The following KCNH1 variants were observed in gnomAD, a reference collection of about 807,000 sequenced individuals.
The protein encoded by KCNH1 is potassium voltage-gated channel subfamily H member 1.
A neutral mutation model predicts 69.2 loss-of-function variants in KCNH1; 27 were observed. The ratio of observed to expected loss-of-function variants is 0.39; its 90% CI spans 0.29 to 0.54. KCNH1 has a LOEUF of 0.54. Ranked by LOEUF, KCNH1 falls within the 20% of genes least tolerant of loss-of-function variation. The pLI, the probability that KCNH1 is intolerant of heterozygous loss-of-function variation, is 0.68. For synonymous variants in KCNH1, 456 were observed against 487.7 expected (o/e 0.93, Z 0.86); for missense variants, 798 against 1,261.6 (o/e 0.63, Z 5.57).
At chr1:211,084,907 A>G (rs529217426) in intron 4 of KCNH1, among the ~76,000 whole-genome samples, 1 of 152,330 alleles carries the variant, frequency 6.6e-6, no homozygotes, top group East Asian at 1.9e-4. Context: ...TAAGACACAG[A>G]TTCTGGCCTC....
chr1:210,993,660 G>C (rs1223884535), intron 6 of KCNH1, among the ~76,000 whole-genome samples: 1 of 152,160 alleles, frequency 6.6e-6, no homozygotes, highest in African/African-American at 2.4e-5. Context: ...CACATTCTTT[G>C]TGCTCCCTTT....
intron 6 of KCNH1, among the ~76,000 whole-genome samples, chr1:210,929,711 C>T (rs981965964): frequency 1.4e-4 from 21 of 151,992 alleles, no homozygotes; most frequent in Non-Finnish European, 2.6e-4. Context: ...CAAGGGCATC[C>T]GAATCAATAC....
intron 1 of KCNH1, among the ~76,000 whole-genome samples, chr1:211,113,448 G>T (rs1484011036): frequency 6.6e-6 from 1 of 152,166 alleles, no homozygotes; most frequent in East Asian, 1.9e-4. Context: ...GGGTTCTCCT[G>T]TCTATCTTTT....
intron 6 of KCNH1, among the ~76,000 whole-genome samples, chr1:210,988,644 C>T (rs576469883): frequency 3.9e-5 from 6 of 152,226 alleles, no homozygotes; most frequent in Admixed American, 6.5e-5. Context: ...ATGACCATGA[C>T]GACTAACTTG....
At chr1:211,072,634 C>A (rs753939061) in intron 5 of KCNH1, among the ~76,000 whole-genome samples, 8 of 151,942 alleles carry the variant, frequency 5.3e-5, no homozygotes, top group Non-Finnish European at 1.0e-4. Flanking sequence ...TTATAAGGTA[C>A]TTAGTATAGT....
chr1:210,884,154 T>C (rs1040899351), intron 7 of KCNH1, among the ~76,000 whole-genome samples: 3 of 152,158 alleles, frequency 2.0e-5, no homozygotes, highest in Admixed American at 1.3e-4. Flanking sequence ...AGAGCCATGG[T>C]CATTACCCTT....
intron 7 of KCNH1, among the ~76,000 whole-genome samples, chr1:210,844,065 C>A (rs1685482507): frequency 6.6e-6 from 1 of 152,166 alleles, no homozygotes; most frequent in African/African-American, 2.4e-5. Flanking sequence ...CAACTGGTGC[C>A]CTTAGGGATT....
rs1558601237 is a variant in KCNH1, at chr1:211,092,475, C to G, written c.311-1785G>C. 2.6e-5 allele frequency among the ~76,000 whole-genome samples: 4 copies of G among 152,210 alleles called. No individual in the cohort carries two copies. The South Asian group carries it at 8.3e-4, about 32-fold the overall frequency. ...TGTATTCCTCTATAGTTAATTTTAA[C>G]CTTCTTTCCATTCTCTTTGCATAAT... On this transcript the variant is annotated intron_variant, in intron 3 of 10. Coordinates refer to ENST00000271751, the MANE Select transcript of KCNH1 (RefSeq NM_172362.3).
intron 7 of KCNH1, among the ~76,000 whole-genome samples, chr1:210,912,973 A>G (rs1462145856): frequency 6.6e-6 from 1 of 152,252 alleles, no homozygotes; most frequent in African/African-American, 2.4e-5. Flanking sequence ...TATAAAGTGA[A>G]TCCAAGTGAA....
intron 10 of KCNH1, among the ~76,000 whole-genome samples, chr1:210,739,153 TAATATTGAC>T (rs1392242906): frequency 6.6e-6 from 1 of 152,192 alleles, no homozygotes; most frequent in African/African-American, 2.4e-5. Flanking sequence ...TTATTAAAAA[TAATATTGAC>T]AGGTGCCCAT....
chr1:210,814,701 A>G (rs1218648055), intron 7 of KCNH1, among the ~76,000 whole-genome samples: 1 of 152,206 alleles, frequency 6.6e-6, no homozygotes, highest in African/African-American at 2.4e-5. Flanking sequence ...ATTAATTAAC[A>G]TGACAAATGT....
At chr1:210,994,643 A>G (rs1185883695) in intron 6 of KCNH1, among the ~76,000 whole-genome samples, 1 of 152,200 alleles carries the variant, frequency 6.6e-6, no homozygotes, top group African/African-American at 2.4e-5. Flanking sequence ...TAGCACAAAA[A>G]CATAATTGTA....
At chr1:210,857,205 C>A (rs981232412) in intron 7 of KCNH1, among the ~76,000 whole-genome samples, 1 of 152,144 alleles carries the variant, frequency 6.6e-6, no homozygotes, top group East Asian at 1.9e-4. Context: ...AGCGACTACA[C>A]GTTTAGTGCT....
At chr1:210,959,403 G>A (rs1049586625) in intron 6 of KCNH1, among the ~76,000 whole-genome samples, 13 of 152,118 alleles carry the variant, frequency 8.5e-5, no homozygotes, top group African/African-American at 1.4e-4. Flanking sequence ...CAGGCCGTCC[G>A]TTCTCAGAGC....
chr1:210,969,958 A>T (rs1033383165), intron 6 of KCNH1, among the ~76,000 whole-genome samples: 5 of 152,052 alleles, frequency 3.3e-5, no homozygotes, highest in Non-Finnish European at 7.4e-5. Context: ...GTACAGTGAC[A>T]TGATATCTGC....
At chr1:210,839,042 A>C (rs1685350081) in intron 7 of KCNH1, among the ~76,000 whole-genome samples, 1 of 152,228 alleles carries the variant, frequency 6.6e-6, no homozygotes, top group Admixed American at 6.6e-5. Context: ...CATTTGATCC[A>C]GTAATTCCAT....
At chr1:210,740,704 A>ATTTTTTTTTTTTTTTTTTT (rs199727493) in intron 10 of KCNH1, among the ~76,000 whole-genome samples, 6 of 117,264 alleles carry the variant, frequency 5.1e-5, no homozygotes, top group African/African-American at 2.0e-4. Flanking sequence ...TTATGATTAA[A>ATTTTTTTTTTTTTTTTTTT]TTTTTTTTTT....
chr1:210,767,987 G>A (rs1683672138), intron 10 of KCNH1, among the ~76,000 whole-genome samples: 1 of 152,226 alleles, frequency 6.6e-6, no homozygotes, highest in South Asian at 2.1e-4. Flanking sequence ...GAATCCAACA[G>A]AGCCATTCTT....
chr1:210,941,631 C>A, intron 6 of KCNH1, among the ~76,000 whole-genome samples: 1 of 152,094 alleles, frequency 6.6e-6, no homozygotes, highest in East Asian at 1.9e-4. Context: ...AAGAGCTTGG[C>A]AAGTCACTGG....
Sources: allele counts gnomAD v4.1 joint callset (sites outside exome capture counted in the v4.1 genomes callset), GRCh38; gene constraint gnomAD v4.1.1; transcripts MANE v1.5; gene names NCBI Gene and HGNC (gene_info 2026-07-23, HGNC 2026-07-21).